SLC7A6: variants seen among roughly 807,000 people sequenced by gnomAD.
The protein encoded by SLC7A6 is Y+L amino acid transporter 2.
Under a neutral mutation model 46.6 loss-of-function variants are expected in SLC7A6, and 29 were observed. The observed-to-expected ratio is 0.62, with a 90% CI of 0.46 to 0.85. SLC7A6 has a LOEUF of 0.85. SLC7A6 is among the 40% of genes least tolerant of loss of function. The pLI is 0.00. For synonymous variants in SLC7A6, 276 were observed against 257.3 expected, an observed-to-expected ratio of 1.07 and a Z score of -0.70; for missense variants, 527 against 647.6, an observed-to-expected ratio of 0.81 and a Z score of 2.02.
In SLC7A6 at chr16:68,301,457, G is replaced by A; in HGVS notation, c.*4129G>A. The stretch of plus-strand genomic sequence containing the variant: ...CTAAATGTGATTTTCCTAGGCTACT[G>A]CAGGAGCCCCTTCTCTTCTCAGAAA... On this transcript the variant is annotated 3_prime_UTR_variant, in exon 11 of 11. Transcript: ENST00000219343. 1 of 1,535,620 alleles carries A rather than the reference G, an allele frequency of 6.5e-7. No individual in the cohort carries two copies. The highest frequency in any genetic ancestry group is 1.2e-5 in the South Asian group (1 of 86,130).
intron 3 of SLC7A6, among the ~76,000 whole-genome samples, chr16:68,278,142 A>G (rs191247320): frequency 1.1e-4 from 17 of 151,640 alleles, no homozygotes; most frequent in Non-Finnish European, 1.9e-4. Context: ...TTTTTAGTAC[A>G]GACGGGGTTT....
At position 68,294,738 on chromosome 16, in the gene SLC7A6, A is replaced by G; in HGVS notation, c.1056A>G (p.Leu352=). The change falls in exon 8 of 11, where the codon CTA becomes CTG. Residue 352 remains leucine, a synonymous_variant. Transcript: ENST00000219343. ...LFFVGSREGH[L]PDLLSMIHIE... ...TCGTGGGCTCCCGGGAGGGCCACCTACCGGACCTTCTGTCCATGATCCACA... is the reference window on the plus strand; with the variant it reads ...TCGTGGGCTCCCGGGAGGGCCACCTGCCGGACCTTCTGTCCATGATCCACA... The G allele has an allele frequency of 6.2e-7, 1 of 1,613,958 alleles. No individual in the cohort carries two copies. Among genetic ancestry groups the G allele is most frequent in the Non-Finnish European group, 8.5e-7 (1 of 1,179,830 alleles).
chr16:68,294,811 G>A lies in SLC7A6; in HGVS notation c.1119+10G>A, dbSNP rs763619923. On this transcript the variant is annotated intron_variant, in intron 8 of 10. Coordinates refer to ENST00000219343, the MANE Select transcript of SLC7A6 (RefSeq NM_003983.6). ...TGCTTTACTGTTCAATGTAAGCTTT[G>A]CTGGGACCACGGGGCTCAGGTGGAT... is the stretch of plus-strand genomic sequence containing the variant. 6.3e-7 allele frequency: 1 copy of A among 1,598,400 alleles called. No homozygotes were observed. Among genetic ancestry groups the A allele is most frequent in the South Asian group, 1.1e-5 (1 of 90,780 alleles).
chr16:68,274,532 T>C (rs1449082936), intron 2 of SLC7A6, among the ~76,000 whole-genome samples, 159 bp from the exon 3 acceptor site: 1 of 152,232 alleles, frequency 6.6e-6, no homozygotes, highest in African/African-American at 2.4e-5. Context: ...CCCACTTCTA[T>C]TTCCCTGTGT....
intron 2 of SLC7A6, among the ~76,000 whole-genome samples, chr16:68,272,769 G>A (rs534912165): frequency 2.0e-5 from 3 of 152,308 alleles, no homozygotes; most frequent in East Asian, 3.9e-4. Flanking sequence ...GGAATAGGGC[G>A]AGCTGTATTG....
At chr16:68,267,588 G>C (rs2042557168) in intron 2 of SLC7A6, among the ~76,000 whole-genome samples, 1 of 152,098 alleles carries the variant, frequency 6.6e-6, no homozygotes, top group Non-Finnish European at 1.5e-5. Flanking sequence ...CAACCAGAGG[G>C]GGGAATAAAA....
chr16:68,278,939 G>A (rs958897079), intron 3 of SLC7A6, among the ~76,000 whole-genome samples: 3 of 151,588 alleles, frequency 2.0e-5, no homozygotes, highest in African/African-American at 4.9e-5. Flanking sequence ...GGGCGGAGGC[G>A]CCCCCCACCT....
intron 3 of SLC7A6, chr16:68,284,317 A>G (rs940178087): frequency 2.0e-5 from 3 of 152,228 alleles, no homozygotes; most frequent in African/African-American, 7.2e-5. Flanking sequence ...TGAAGTGAGC[A>G]CGAACTATTT....
intron 2 of SLC7A6, among the ~76,000 whole-genome samples, chr16:68,271,152 T>G (rs1376502851): frequency 6.6e-6 from 1 of 150,746 alleles, no homozygotes; most frequent in Non-Finnish European, 1.5e-5. Context: ...CCTGGCCTAG[T>G]TTTTTCTTAT....
intron 3 of SLC7A6, among the ~76,000 whole-genome samples, chr16:68,283,688 T>C (rs2042872242): frequency 6.6e-6 from 1 of 152,220 alleles, no homozygotes; most frequent in Non-Finnish European, 1.5e-5. Flanking sequence ...ATTTGAGTAC[T>C]CCTTTCTCAG....
At chr16:68,290,740 G>A (rs1046571108) in intron 5 of SLC7A6, 200 bp downstream of exon 5, 4 of 634,080 alleles carry the variant, frequency 6.3e-6, no homozygotes, top group Non-Finnish European at 1.1e-5. Context: ...CTGTCCTCAC[G>A]TTCGCACTGG....
At chr16:68,291,772 T>TGG in intron 7 of SLC7A6, 111 bp downstream of exon 7, 1 of 633,626 alleles carries the variant, frequency 1.6e-6, no homozygotes, top group African/African-American at 2.2e-5. Flanking sequence ...GGTGTGTGTG[T>TGG]GTGTGTGTGT....
At chr16:68,296,544 G>A (rs752714386) in intron 9 of SLC7A6, 31 bp downstream of exon 9, 2 of 1,613,948 alleles carry the variant, frequency 1.2e-6, no homozygotes, top group African/African-American at 2.7e-5. Flanking sequence ...TAGGAGGGGT[G>A]GGCCATCTCC....
At position 68,275,028 on chromosome 16, in the gene SLC7A6, T is replaced by C; in HGVS notation, c.302T>C (p.Leu101Pro). 6.2e-7 allele frequency: 1 copy of C among 1,614,174 alleles called. No individual in the cohort carries two copies. The highest frequency in any genetic ancestry group is 8.5e-7 in the Non-Finnish European group (1 of 1,180,028). Reference protein sequence around the residue: ...SVVGALCYAELGTTITKSGAS... With the variant: ...SVVGALCYAEPGTTITKSGAS... The stretch of plus-strand genomic sequence containing the variant: ...GTGGGTGCCCTTTGTTATGCAGAGC[T>C]GGGGACCACCATCACCAAGTCGGGA... The change falls in exon 3 of 11, where the codon CTG becomes CCG. Residue 101 changes from leucine to proline, a missense_variant. Physicochemically the swap from Leu to Pro is moderately conservative, Grantham distance 98. Coordinates refer to ENST00000219343, the MANE Select transcript of SLC7A6 (RefSeq NM_003983.6).
chr16:68,270,427 AGAG>A (rs1334284060), intron 2 of SLC7A6, among the ~76,000 whole-genome samples: 1 of 151,654 alleles, frequency 6.6e-6, no homozygotes, highest in Non-Finnish European at 1.5e-5. Flanking sequence ...TTTATTCTTT[AGAG>A]GAGAAGGGTA....
chr16:68,299,401 T>G lies in SLC7A6; in HGVS notation c.*2073T>G, dbSNP rs920508980. 1.3e-5 allele frequency: 2 copies of G among 152,618 alleles called. No homozygotes were observed. Among genetic ancestry groups the G allele is most frequent in the African/African-American group, 2.4e-5 (1 of 41,416 alleles). 9.5% of individuals were successfully genotyped at this position (152,618 alleles called of 1,614,324 possible). A position where few individuals can be genotyped will look rare whatever the true frequency, so the allele number is the denominator to read the frequency against. ...GAGCCATGTCATCCTCCTTTCATTT[T>G]TGGATGGTGACAGCATTTTTCCCCT... is the stretch of plus-strand genomic sequence containing the variant. On this transcript the variant is annotated 3_prime_UTR_variant, in exon 11 of 11. Coordinates refer to ENST00000219343, the MANE Select transcript of SLC7A6 (RefSeq NM_003983.6).
chr16:68,266,045 G>A (rs2042526927), intron 1 of SLC7A6, among the ~76,000 whole-genome samples: 1 of 152,016 alleles, frequency 6.6e-6, no homozygotes, highest in Non-Finnish European at 1.5e-5. Context: ...CGGATCACGG[G>A]GTCAGGAGAT....
chr16:68,300,934 C>T lies in SLC7A6; in HGVS notation c.*3606C>T, dbSNP rs924590759. 2.0e-5 allele frequency: 20 copies of T among 1,006,218 alleles called. No individual in the cohort carries two copies. Among genetic ancestry groups the T allele is most frequent in the African/African-American group, 1.6e-4 (9 of 58,012 alleles). The allele number at this position is 1,006,218 out of a possible 1,614,324, so 62.3% of individuals were successfully genotyped here. On this transcript the variant is annotated 3_prime_UTR_variant, in exon 11 of 11. Coordinates refer to ENST00000219343, the MANE Select transcript of SLC7A6 (RefSeq NM_003983.6). ...CTTACTGCTAATGAAATGGGAACCT[C>T]CCCCTCCCTTGTGGTTTCAGCACAG... is the stretch of plus-strand genomic sequence containing the variant.
At chr16:68,277,685 T>C (rs1011622567) in intron 3 of SLC7A6, among the ~76,000 whole-genome samples, 8 of 151,992 alleles carry the variant, frequency 5.3e-5, no homozygotes, top group African/African-American at 1.9e-4. Context: ...TAGAGTGCAA[T>C]GGCATTATCT....
Sources: gnomAD v4.1 joint callset for allele counts (sites outside exome capture counted in the v4.1 genomes callset) on GRCh38, gnomAD v4.1.1 for gene constraint, MANE v1.5 for transcripts, NCBI Gene and HGNC (gene_info 2026-07-23, HGNC 2026-07-21) for gene names.